Variants in ECPAS observed in about 807,000 individuals in gnomAD.
ECPAS encodes the protein Ecm29 proteasome adaptor and scaffold.
ECPAS carries 70 observed loss-of-function variants against 255.1 expected under a neutral mutation model. The ratio of observed to expected loss-of-function variants is 0.27; its 90% CI spans 0.23 to 0.33. The LOEUF is 0.33. Among genes scored for constraint, ECPAS ranks in the 10% least tolerant of loss-of-function variants. The probability of loss-of-function intolerance (pLI) is 1.00; values close to 1 mark genes in which losing one functional copy is unlikely to be tolerated. For missense variants in ECPAS, 1,817 were observed against 2,206.4 expected, an observed-to-expected ratio of 0.82 and a Z score of 3.54; for synonymous variants, 784 against 775.0, an observed-to-expected ratio of 1.01 and a Z score of -0.19.
chr9:111,378,649 TAGC>T lies in ECPAS; in HGVS notation c.3882_3884del (p.Leu1295del). 6.2e-7 allele frequency: 1 copy of T among 1,613,916 alleles called. No homozygotes were observed. The highest frequency in any genetic ancestry group is 8.5e-7 in the Non-Finnish European group (1 of 1,179,780). On this transcript the variant is annotated inframe_deletion, in exon 36 of 50. Coordinates refer to ENST00000684092, the MANE Select transcript of ECPAS (RefSeq NM_001364929.1). ...GGGGCTCCAATACACTTAAGGACTC[TAGC>T]AGAGCTGGAATGAGTTTTGGTGCAT...
intron 2 of ECPAS, among the ~76,000 whole-genome samples, chr9:111,460,991 C>T (rs752000816): frequency 6.6e-6 from 1 of 151,864 alleles, no homozygotes; most frequent in Non-Finnish European, 1.5e-5. Flanking sequence ...CAGGAAGATA[C>T]TAACTATCTC....
intron 33 of ECPAS, 115 bp from the exon 34 acceptor site, chr9:111,384,684 A>G: frequency 1.2e-6 from 1 of 864,994 alleles, no homozygotes; most frequent in Non-Finnish European, 1.9e-6. Context: ...AAAATCTTAC[A>G]TTTCATATCA....
At chr9:111,403,249 A>T (rs1315325512) in intron 24 of ECPAS, among the ~76,000 whole-genome samples, 1 of 151,754 alleles carries the variant, frequency 6.6e-6, no homozygotes, top group African/African-American at 2.4e-5. Context: ...AGGCCCAGCT[A>T]CTTAGGAGGC....
chr9:111,375,767 GT>G (rs2098132733), intron 37 of ECPAS, among the ~76,000 whole-genome samples: 1 of 151,820 alleles, frequency 6.6e-6, no homozygotes, highest in Non-Finnish European at 1.5e-5. Flanking sequence ...CCAAATTTTG[GT>G]AATACTCCCC....
chr9:111,466,313 T>C (rs1434327956), intron 2 of ECPAS, among the ~76,000 whole-genome samples: 3 of 151,888 alleles, frequency 2.0e-5, no homozygotes, highest in African/African-American at 2.4e-5. Flanking sequence ...GGCATGATGG[T>C]GTGCATCTGT....
At position 111,361,836 on chromosome 9, in the gene ECPAS, C is replaced by G; in HGVS notation, c.*194G>C. ...CCAAGGTTCCATTAAGCTCACTCAG[C>G]CCAGATACTTTAAAAACATAAAGTA... is the stretch of plus-strand genomic sequence containing the variant. On this transcript the variant is annotated 3_prime_UTR_variant, in exon 50 of 50. Coordinates refer to ENST00000684092, the MANE Select transcript of ECPAS (RefSeq NM_001364929.1). 1.8e-6 allele frequency: 1 copy of G among 548,684 alleles called. No individual in the cohort carries two copies. Among genetic ancestry groups the G allele is most frequent in the South Asian group, 3.2e-5 (1 of 31,478 alleles). 34.0% of individuals were successfully genotyped at this position (548,684 alleles called of 1,614,324 possible). A position where few individuals can be genotyped will look rare whatever the true frequency, so the allele number is the denominator to read the frequency against.
At chr9:111,420,230 T>C (rs1429439633) in intron 15 of ECPAS, 110 bp from the exon 16 acceptor site, 4 of 654,190 alleles carry the variant, frequency 6.1e-6, no homozygotes, top group African/African-American at 5.6e-5. Flanking sequence ...CTGTAAACAA[T>C]TCAAAATTCT....
chr9:111,390,199 A>C, intron 29 of ECPAS, 98 bp from the exon 30 acceptor site: 1 of 633,632 alleles, frequency 1.6e-6, no homozygotes. Flanking sequence ...CTAAAATCAA[A>C]TTTTCACTCA....
chr9:111,422,053 T>G lies in ECPAS; in HGVS notation c.1333-10A>C. Reference sequence around the variant, plus strand: ...GAGTCTCAGGCTCTTCCTATAAAGATGATAAAAATGTTTCCCTCCTTGTTG... The same window carrying G: ...GAGTCTCAGGCTCTTCCTATAAAGAGGATAAAAATGTTTCCCTCCTTGTTG... On this transcript the variant is annotated splice_polypyrimidine_tract_variant and intron_variant, in intron 14 of 49. Coordinates refer to ENST00000684092, the MANE Select transcript of ECPAS (RefSeq NM_001364929.1). 8 of 1,613,586 alleles carry G rather than the reference T, an allele frequency of 5.0e-6. No homozygotes were observed. The highest frequency in any genetic ancestry group is 5.9e-6 in the Non-Finnish European group (7 of 1,179,732).
intron 2 of ECPAS, among the ~76,000 whole-genome samples, chr9:111,455,803 A>C (rs1249338421): frequency 1.3e-5 from 2 of 152,180 alleles, no homozygotes; most frequent in Non-Finnish European, 2.9e-5. Context: ...GGAATCAAGT[A>C]TGTGCTGTGT....
At chr9:111,418,249 C>A (rs904294700) in intron 16 of ECPAS, among the ~76,000 whole-genome samples, 5 of 152,254 alleles carry the variant, frequency 3.3e-5, no homozygotes, top group Admixed American at 1.3e-4. Flanking sequence ...CATTAAAAAA[C>A]AAGATAGGGT....
Position 111,370,529 on chromosome 9 carries a change from A to G in ECPAS, c.4880T>C (p.Ile1627Thr), listed in dbSNP as rs776323700. 4 of 1,611,564 alleles carry G rather than the reference A, an allele frequency of 2.5e-6. No homozygotes were observed. The East Asian group carries it at 6.7e-5, about 27-fold the overall frequency. Reference protein sequence around the residue: ...ECSKENVKYKIVAISCAADIL... With the variant: ...ECSKENVKYKTVAISCAADIL... Reference sequence around the variant, plus strand: ...ATCAGCTGCACAGCTGATTGCTACAATCTTGTATTTGACATTCTCTTTGCT... The same window carrying G: ...ATCAGCTGCACAGCTGATTGCTACAGTCTTGTATTTGACATTCTCTTTGCT... The change falls in exon 45 of 50, where the codon ATT (isoleucine) becomes ACT (threonine). Residue 1627 changes from isoleucine to threonine, a missense_variant. Around this residue, in one of 4 missense-constraint regions of ECPAS, gnomAD observed 960 missense variants for 1,179.0 expected, o/e 0.81. Coordinates refer to ENST00000684092, the MANE Select transcript of ECPAS (RefSeq NM_001364929.1).
chr9:111,447,535 G>T (rs573693391), intron 3 of ECPAS, among the ~76,000 whole-genome samples: 7 of 152,104 alleles, frequency 4.6e-5, no homozygotes, highest in Non-Finnish European at 1.0e-4. Context: ...AACCAAGAAA[G>T]ATTTAAAAAT....
intron 25 of ECPAS, among the ~76,000 whole-genome samples, chr9:111,395,423 C>G (rs908839182): frequency 6.6e-6 from 1 of 152,104 alleles, no homozygotes; most frequent in African/African-American, 2.4e-5. Flanking sequence ...ACATAGAACA[C>G]GCATGATCAA....
chr9:111,422,266 G>A, intron 13 of ECPAS, 66 bp from the exon 14 acceptor site: 1 of 1,510,966 alleles, frequency 6.6e-7, no homozygotes, highest in East Asian at 2.3e-5. Context: ...GGGAAAAAAT[G>A]AAACTAAACA....
At chr9:111,368,233 T>TA (rs1167702937) in intron 46 of ECPAS, among the ~76,000 whole-genome samples, 4 of 152,246 alleles carry the variant, frequency 2.6e-5, no homozygotes, top group Admixed American at 2.0e-4. Flanking sequence ...CATCCAATAA[T>TA]AGAGGTTTAC....
rs1281490847 is a variant in ECPAS, at chr9:111,397,052, T to C, written c.2754A>G (p.Glu918=). The C allele has an allele frequency of 1.9e-6, 3 of 1,614,004 alleles. No homozygotes were observed. The highest frequency in any genetic ancestry group is 2.5e-6 in the Non-Finnish European group (3 of 1,179,844). ...TACCAGCAGGTGGAGTATATTCCTC[T>C]TCAGTCATTTGCCAGGCATCTCGGG... ...VAARDAWQMT[E]EEYTPPAGAK... The change falls in exon 25 of 50, where the codon GAA becomes GAG. Residue 918 remains glutamate (E), a synonymous_variant. Coordinates refer to ENST00000684092, the MANE Select transcript of ECPAS (RefSeq NM_001364929.1).
At chr9:111,384,854 T>A (rs2098145660) in intron 33 of ECPAS, among the ~76,000 whole-genome samples, 2 of 152,132 alleles carry the variant, frequency 1.3e-5, no homozygotes, top group Admixed American at 1.3e-4. Context: ...AGTAAATACA[T>A]AAAGATCTAT....
chr9:111,362,181 A>C lies in ECPAS; in HGVS notation c.5381-12T>G, dbSNP rs1350502293. 1.9e-6 allele frequency: 3 copies of C among 1,547,788 alleles called. No individual in the cohort carries two copies. In the Admixed American group the frequency reaches 6.6e-5, roughly 34 times the overall value. ...CCACTGTTTAGATTCTGCATGAAAA[A>C]AAAAAAACAAAAACAAAAAAAACAA... On this transcript the variant is annotated splice_polypyrimidine_tract_variant and intron_variant, in intron 49 of 49. Transcript: ENST00000684092.
Sources: allele counts gnomAD v4.1 joint callset (sites outside exome capture counted in the v4.1 genomes callset), GRCh38; gene constraint gnomAD v4.1.1; regional missense constraint gnomAD v4.1.1; transcripts MANE v1.5; gene names NCBI Gene and HGNC (gene_info 2026-07-23, HGNC 2026-07-21).